ST6GAL1: variants seen among roughly 807,000 people sequenced by gnomAD.
The protein encoded by ST6GAL1 is beta-galactoside alpha-2,6-sialyltransferase 1.
Under a neutral mutation model 38.0 loss-of-function variants are expected in ST6GAL1, and 20 were observed. The ratio of observed to expected loss-of-function variants is 0.53; its 90% CI spans 0.37 to 0.77. The LOEUF (loss-of-function observed/expected upper bound fraction) is 0.77. ST6GAL1 is among the 30% of genes least tolerant of loss of function. The probability of loss-of-function intolerance (pLI) is 0.00; values close to 1 mark genes in which losing one functional copy is unlikely to be tolerated. For missense variants in ST6GAL1, 432 were observed against 496.4 expected (o/e 0.87, Z 1.23); for synonymous variants, 196 against 188.2 (o/e 1.04, Z -0.34).
chr3:186,960,340 G>A (rs11707837), intron 1 of ST6GAL1, among the ~76,000 whole-genome samples: 5,716 of 152,280 alleles, frequency 0.038, 148 homozygotes, highest in East Asian at 0.068. Context: ...GGACAGTGCA[G>A]TAAGGGCTGC....
chr3:187,048,231 C>T (rs1718374354), intron 4 of ST6GAL1, among the ~76,000 whole-genome samples: 1 of 152,198 alleles, frequency 6.6e-6, no homozygotes, highest in Non-Finnish European at 1.5e-5. Flanking sequence ...GTGTGAGCCA[C>T]CGTGCCCAGC....
rs1205095331 is a variant in ST6GAL1, at chr3:187,059,530, T to TAGAC, written c.705+8185_705+8188dup. ...TTCAACAAATGTATTCAGTATTGAG[T>TAGAC]AGACTGTGGCAGTCAGTACATAAAC... On this transcript the variant is annotated intron_variant, in intron 5 of 7. Coordinates refer to ENST00000169298, the MANE Select transcript of ST6GAL1 (RefSeq NM_173216.2). 4.6e-5 allele frequency among the ~76,000 whole-genome samples: 7 copies of TAGAC among 152,198 alleles called. No individual in the cohort carries two copies. The South Asian group carries it at 6.2e-4, about 14-fold the overall frequency.
At position 186,965,422 on chromosome 3, in the gene ST6GAL1, C is replaced by A. The variant is rs571560648; in HGVS notation, c.-183+1496C>A. On this transcript the variant is annotated intron_variant, in intron 2 of 7. Transcript: ENST00000169298. ...AATTAGCATAATGAAGTCCCAGCCTCTGTCCCCCTCCCTCTGCTTCCTGAA... is the reference window on the plus strand; with the variant it reads ...AATTAGCATAATGAAGTCCCAGCCTATGTCCCCCTCCCTCTGCTTCCTGAA... Among the ~76,000 whole-genome samples the A allele has an allele frequency of 5.5e-4, 84 of 152,340 alleles. 1 individual carries two copies. In the South Asian group the frequency reaches 0.017, roughly 31 times the overall value.
intron 5 of ST6GAL1, among the ~76,000 whole-genome samples, chr3:187,066,883 G>C (rs1234134784): frequency 6.6e-6 from 1 of 151,916 alleles, no homozygotes; most frequent in African/African-American, 2.4e-5. Flanking sequence ...TTTGAGAACA[G>C]CTTTATTCTT....
intron 5 of ST6GAL1, among the ~76,000 whole-genome samples, chr3:187,067,780 G>A (rs765084689): frequency 2.6e-5 from 4 of 152,114 alleles, no homozygotes; most frequent in Non-Finnish European, 5.9e-5. Context: ...GCCTGCCTCT[G>A]GGCTCTGGTT....
At chr3:187,008,744 A>G (rs1408861380) in intron 2 of ST6GAL1, among the ~76,000 whole-genome samples, 1 of 152,340 alleles carries the variant, frequency 6.6e-6, no homozygotes, top group East Asian at 1.9e-4. Context: ...AAATACACAC[A>G]AACATAAATC....
chr3:186,956,337 T>C (rs1234694510), intron 1 of ST6GAL1, among the ~76,000 whole-genome samples: 1 of 152,212 alleles, frequency 6.6e-6, no homozygotes, highest in African/African-American at 2.4e-5. Flanking sequence ...GTGAGGCTAT[T>C]TATAAATCTA....
chr3:186,974,684 A>C (rs538075075), intron 2 of ST6GAL1, among the ~76,000 whole-genome samples: 3 of 151,374 alleles, frequency 2.0e-5, no homozygotes, highest in South Asian at 2.1e-4. Context: ...AGATCTCATT[A>C]ATTAATTAAT....
At chr3:187,062,088 T>C (rs1718934929) in intron 5 of ST6GAL1, among the ~76,000 whole-genome samples, 1 of 152,174 alleles carries the variant, frequency 6.6e-6, no homozygotes, top group Non-Finnish European at 1.5e-5. Flanking sequence ...TTCTCCAAGA[T>C]ATACAAATGG....
intron 2 of ST6GAL1, among the ~76,000 whole-genome samples, chr3:186,964,715 C>T (rs1053673285): frequency 1.2e-4 from 18 of 152,128 alleles, no homozygotes; most frequent in African/African-American, 3.6e-4. Context: ...TTGAAACTGA[C>T]CACGATGGGG....
intron 5 of ST6GAL1, among the ~76,000 whole-genome samples, chr3:187,058,809 T>A (rs933934573): frequency 1.3e-5 from 2 of 152,012 alleles, no homozygotes; most frequent in Non-Finnish European, 2.9e-5. Flanking sequence ...ACCCAGCTAA[T>A]TTTTGTATCT....
At chr3:186,985,774 CAA>C (rs5855120) in intron 2 of ST6GAL1, among the ~76,000 whole-genome samples, 1 of 131,676 alleles carries the variant, frequency 7.6e-6, no homozygotes, top group Admixed American at 7.7e-5. Context: ...GACCCTGTCT[CAA>C]AAAAAAAAAA....
intron 1 of ST6GAL1, among the ~76,000 whole-genome samples, chr3:186,938,501 A>G (rs1329646616): frequency 6.6e-6 from 1 of 152,174 alleles, no homozygotes; most frequent in African/African-American, 2.4e-5. Context: ...AATAGCTGTT[A>G]TTGTTATAAC....
chr3:186,990,240 G>A (rs556678159), intron 2 of ST6GAL1, among the ~76,000 whole-genome samples: 29 of 152,164 alleles, frequency 1.9e-4, no homozygotes, highest in African/African-American at 6.3e-4. Flanking sequence ...CACCATATTG[G>A]CCAGGCTGGT....
Position 187,069,863 on chromosome 3 carries a change from A to C in ST6GAL1, c.706-2986A>C, listed in dbSNP as rs568747531. Among the ~76,000 whole-genome samples the C allele has an allele frequency of 1.9e-4, 29 of 152,286 alleles. No homozygotes were observed. In the South Asian group the frequency reaches 6.0e-3, roughly 32 times the overall value. On this transcript the variant is annotated intron_variant, in intron 5 of 7. Coordinates refer to ENST00000169298, the MANE Select transcript of ST6GAL1 (RefSeq NM_173216.2). Reference sequence around the variant, plus strand: ...GAGACAGGAACACACATCCCCCCACACTAGCTTAACAAAACAAAAAATGCA... The same window carrying C: ...GAGACAGGAACACACATCCCCCCACCCTAGCTTAACAAAACAAAAAATGCA...
intron 1 of ST6GAL1, among the ~76,000 whole-genome samples, chr3:186,939,287 A>G (rs3902001): frequency 0.42 from 63,925 of 151,666 alleles, 14,253 homozygotes; most frequent in South Asian, 0.56. Flanking sequence ...CGTGTTGCCC[A>G]GGCTTGAACT....
chr3:186,981,433 C>T (rs1715695560), intron 2 of ST6GAL1, among the ~76,000 whole-genome samples: 1 of 152,166 alleles, frequency 6.6e-6, no homozygotes, highest in Non-Finnish European at 1.5e-5. Context: ...TTTGCTTTAA[C>T]AGAGGGATGG....
At chr3:186,938,933 C>T (rs776581054) in intron 1 of ST6GAL1, among the ~76,000 whole-genome samples, 1 of 152,068 alleles carries the variant, frequency 6.6e-6, no homozygotes, top group Non-Finnish European at 1.5e-5. Context: ...CCTGCCTCTG[C>T]TGTCGCAGTC....
intron 2 of ST6GAL1, chr3:186,986,325 A>G (rs564694523): frequency 1.3e-5 from 2 of 152,372 alleles, no homozygotes; most frequent in South Asian, 4.1e-4. Context: ...TACTCAGTCC[A>G]GGCCTCTATC....
Sources: gnomAD v4.1 joint callset for allele counts (sites outside exome capture counted in the v4.1 genomes callset) on GRCh38, gnomAD v4.1.1 for gene constraint, MANE v1.5 for transcripts, NCBI Gene and HGNC (gene_info 2026-07-23, HGNC 2026-07-21) for gene names.